The following PCDH15 variants were observed in gnomAD, a reference collection of about 807,000 sequenced individuals.
PCDH15 encodes protocadherin-15.
Under a neutral mutation model 178.5 loss-of-function variants are expected in PCDH15, and 129 were observed. That is an observed-to-expected ratio of 0.72 (90% CI 0.63 to 0.84). PCDH15 has a LOEUF of 0.84. Ranked by LOEUF, PCDH15 falls within the 40% of genes least tolerant of loss-of-function variation. The pLI is 0.00. For synonymous variants in PCDH15, 800 were observed against 732.0 expected, an observed-to-expected ratio of 1.09 and a Z score of -1.50; for missense variants, 2,230 against 2,099.9, an observed-to-expected ratio of 1.06 and a Z score of -1.21.
At chr10:54,268,363 A>T (rs1242780907) in intron 8 of PCDH15, among the ~76,000 whole-genome samples, 1 of 151,964 alleles carries the variant, frequency 6.6e-6, no homozygotes, top group Non-Finnish European at 1.5e-5. Flanking sequence ...ACATTGACGT[A>T]GGCAAAGAAT....
At chr10:53,986,408 A>G (rs2134709828) in intron 21 of PCDH15, among the ~76,000 whole-genome samples, 1 of 152,330 alleles carries the variant, frequency 6.6e-6, no homozygotes, top group Non-Finnish European at 1.5e-5. Flanking sequence ...GAGAAACAGT[A>G]TGGGGTTTCC....
At chr10:55,508,969 C>CA (rs569542660) in intron 2 of PCDH15, among the ~76,000 whole-genome samples, 112 of 150,262 alleles carry the variant, frequency 7.5e-4, no homozygotes, top group East Asian at 1.4e-3. Flanking sequence ...CAAAACAAAA[C>CA]AAAAAAAAAT....
intron 2 of PCDH15, among the ~76,000 whole-genome samples, chr10:54,989,402 C>T (rs1839448785): frequency 6.6e-6 from 1 of 152,214 alleles, no homozygotes; most frequent in African/African-American, 2.4e-5. Flanking sequence ...AAACCACACA[C>T]ACTAAATGCC....
chr10:55,014,171 C>T (rs758935797), intron 2 of PCDH15, among the ~76,000 whole-genome samples: 2 of 151,902 alleles, frequency 1.3e-5, no homozygotes, highest in Non-Finnish European at 2.9e-5. Context: ...ATAATACTAA[C>T]ACTCTCAAAG....
intron 3 of PCDH15, among the ~76,000 whole-genome samples, chr10:54,399,367 A>G (rs1407690087): frequency 6.6e-6 from 1 of 152,024 alleles, no homozygotes. Context: ...GAGGAAAGCA[A>G]TATTACAGTG....
Position 54,198,148 on chromosome 10 carries a change from A to G in PCDH15, c.1099-2259T>C, listed in dbSNP as rs2049861660. On this transcript the variant is annotated intron_variant, in intron 10 of 37. Coordinates refer to ENST00000644397, the MANE Select transcript of PCDH15 (RefSeq NM_001384140.1). Reference sequence around the variant, plus strand: ...ATCTCACATAACCAGGCATGCTGCTAATACCATCAGTATGGATGAGGTCTT... The same window carrying G: ...ATCTCACATAACCAGGCATGCTGCTGATACCATCAGTATGGATGAGGTCTT... Among the ~76,000 whole-genome samples the G allele has an allele frequency of 2.0e-5, 3 of 152,126 alleles. No individual in the cohort carries two copies. The South Asian group carries it at 6.2e-4, about 32-fold the overall frequency.
intron 1 of PCDH15, among the ~76,000 whole-genome samples, chr10:55,238,432 G>A (rs982764495): frequency 1.3e-5 from 2 of 152,084 alleles, no homozygotes; most frequent in Middle Eastern, 3.4e-3. Context: ...TTAAAGGCGT[G>A]AGCCACCGCG....
chr10:54,245,025 T>A (rs2055782329), intron 8 of PCDH15, among the ~76,000 whole-genome samples: 1 of 152,172 alleles, frequency 6.6e-6, no homozygotes, highest in Admixed American at 6.5e-5. Flanking sequence ...CAATTCATTG[T>A]CAAATCACAA....
At position 55,589,467 on chromosome 10, in the gene PCDH15, T is replaced by C. The variant is rs527843766; in HGVS notation, c.-156+38158A>G. 1.3e-3 allele frequency among the ~76,000 whole-genome samples: 204 copies of C among 151,954 alleles called. 1 individual carries two copies. Among genetic ancestry groups the C allele is most frequent in the African/African-American group, 4.8e-3 (200 of 41,444 alleles). ...CAAAAGCCAAAATTGACAAATGGGA[T>C]CTAATTAAACTAAAGAGCTTCTGCA... On this transcript the variant is annotated intron_variant, in intron 2 of 5. Transcript: ENST00000613346.
intron 2 of PCDH15, among the ~76,000 whole-genome samples, chr10:55,041,309 T>G (rs1300451171): frequency 1.3e-5 from 2 of 152,112 alleles, no homozygotes; most frequent in African/African-American, 4.8e-5. Flanking sequence ...TGAGAAAAGT[T>G]GTAGTGACAA....
chr10:55,276,334 T>A (rs1300058155), intron 1 of PCDH15, among the ~76,000 whole-genome samples: 2 of 151,202 alleles, frequency 1.3e-5, no homozygotes, highest in Non-Finnish European at 3.0e-5. Context: ...AATATAATAT[T>A]TACTGATAGG....
chr10:54,205,481 T>TTG (rs71461223), intron 10 of PCDH15, among the ~76,000 whole-genome samples: 3,392 of 135,150 alleles, frequency 0.025, 66 homozygotes, highest in African/African-American at 0.049. Context: ...TATATTTCCT[T>TTG]TGTGTGTGTG....
At chr10:53,958,260 C>G (rs1392772020) in intron 23 of PCDH15, among the ~76,000 whole-genome samples, 2 of 152,094 alleles carry the variant, frequency 1.3e-5, no homozygotes, top group African/African-American at 4.8e-5. Flanking sequence ...TTTGGATAGA[C>G]TAAACTACTA....
chr10:54,321,914 C>T (rs2061633186), intron 7 of PCDH15, among the ~76,000 whole-genome samples: 1 of 151,966 alleles, frequency 6.6e-6, no homozygotes, highest in African/African-American at 2.4e-5. Context: ...CACATTTTAT[C>T]ACCAACACAT....
intron 3 of PCDH15, among the ~76,000 whole-genome samples, chr10:54,847,250 C>T (rs559468356): frequency 6.6e-6 from 1 of 152,206 alleles, no homozygotes; most frequent in East Asian, 1.9e-4. Context: ...CCTAATAAAA[C>T]AAAACCCAAA....
chr10:54,177,645 A>G (rs1247139059), intron 13 of PCDH15, among the ~76,000 whole-genome samples: 1 of 152,148 alleles, frequency 6.6e-6, no homozygotes, highest in Non-Finnish European at 1.5e-5. Flanking sequence ...TCTAAAATAG[A>G]AATTGCCTAA....
intron 3 of PCDH15, among the ~76,000 whole-genome samples, chr10:54,835,164 C>T (rs1477270543): frequency 1.3e-5 from 2 of 151,880 alleles, no homozygotes; most frequent in Admixed American, 6.6e-5. Flanking sequence ...GAGACAATAG[C>T]GAAATAAGAA....
chr10:54,663,422 T>C (rs1461210050), intron 2 of PCDH15, among the ~76,000 whole-genome samples: 1 of 148,404 alleles, frequency 6.7e-6, no homozygotes, highest in Non-Finnish European at 1.5e-5. Context: ...TTCTATCAAA[T>C]TTATATATAT....
intron 2 of PCDH15, among the ~76,000 whole-genome samples, chr10:54,932,578 G>C (rs573584912): frequency 3.3e-5 from 5 of 152,086 alleles, no homozygotes; most frequent in African/African-American, 1.2e-4. Context: ...GGTTTGAGAC[G>C]GAGTCTCATT....
Sources: allele counts gnomAD v4.1 joint callset (sites outside exome capture counted in the v4.1 genomes callset), GRCh38; gene constraint gnomAD v4.1.1; transcripts MANE v1.5; gene names NCBI Gene and HGNC (gene_info 2026-07-23, HGNC 2026-07-21).